FAR2: variants seen among roughly 807,000 people sequenced by gnomAD.
The protein encoded by FAR2 is epididymis secretory protein Li 81.
FAR2 carries 19 observed loss-of-function variants against 56.0 expected under a neutral mutation model. The observed-to-expected ratio is 0.34, with a 90% CI of 0.24 to 0.50. The LOEUF is 0.50. FAR2 is among the 20% of genes least tolerant of loss of function. FAR2 has a pLI of 0.98. For missense variants in FAR2, 508 were observed against 642.2 expected (o/e 0.79, Z 2.26); for synonymous variants, 219 against 218.8 (o/e 1.00, Z -0.01).
intron 9 of FAR2, 135 bp from the exon 10 acceptor site, chr12:29,321,660 A>G (rs1949553746): frequency 2.0e-6 from 2 of 1,017,318 alleles, no homozygotes; most frequent in South Asian, 1.8e-5. Flanking sequence ...AGGAGAAAAA[A>G]GAAGAAGAAT....
At chr12:29,168,743 G>T (rs1031449703) in intron 1 of FAR2, among the ~76,000 whole-genome samples, 3 of 152,206 alleles carry the variant, frequency 2.0e-5, no homozygotes, top group Non-Finnish European at 4.4e-5. Context: ...GCTCTTAAAG[G>T]TGGTGTGGAC....
intron 1 of FAR2, among the ~76,000 whole-genome samples, chr12:29,214,107 C>T (rs962453754): frequency 6.6e-6 from 1 of 152,216 alleles, no homozygotes; most frequent in Non-Finnish European, 1.5e-5. Flanking sequence ...CATCAATTTT[C>T]ATTTAATTTG....
chr12:29,308,337 GTAGA>G (rs1279120181), intron 5 of FAR2, among the ~76,000 whole-genome samples: 3 of 152,078 alleles, frequency 2.0e-5, no homozygotes, highest in Non-Finnish European at 4.4e-5. Flanking sequence ...AAGCTTTGGG[GTAGA>G]TAAATTCCAG....
At chr12:29,181,631 T>C (rs1202579102) in intron 1 of FAR2, among the ~76,000 whole-genome samples, 1 of 151,938 alleles carries the variant, frequency 6.6e-6, no homozygotes, top group East Asian at 1.9e-4. Context: ...ACCCATCAGC[T>C]CCTCTTTCCC....
intron 1 of FAR2, among the ~76,000 whole-genome samples, chr12:29,227,671 C>G (rs1209763881): frequency 6.6e-6 from 1 of 152,088 alleles, no homozygotes; most frequent in Non-Finnish European, 1.5e-5. Flanking sequence ...ATTAATCAAT[C>G]AATTTTTCAA....
intron 1 of FAR2, among the ~76,000 whole-genome samples, chr12:29,177,370 G>A (rs1030797644): frequency 2.0e-5 from 3 of 152,070 alleles, no homozygotes; most frequent in Non-Finnish European, 2.9e-5. Context: ...TTTTTAAGAG[G>A]TGCTCTTTTC....
At chr12:29,274,622 G>A (rs1436505490) in intron 2 of FAR2, among the ~76,000 whole-genome samples, 4 of 151,942 alleles carry the variant, frequency 2.6e-5, no homozygotes, top group Admixed American at 1.3e-4. Context: ...CCAGCTGGCC[G>A]GTTCCTGCCT....
chr12:29,165,058 G>A (rs1416184549), intron 1 of FAR2, among the ~76,000 whole-genome samples: 1 of 152,140 alleles, frequency 6.6e-6, no homozygotes, highest in Admixed American at 6.5e-5. Context: ...AAGCACAGAA[G>A]TTCTTACTAT....
Position 29,264,707 on chromosome 12 carries a change from G to A in FAR2, c.-38-5705G>A, listed in dbSNP as rs566580490. Among the ~76,000 whole-genome samples the A allele has an allele frequency of 9.3e-5, 14 of 150,954 alleles. No individual in the cohort carries two copies. In the South Asian group the frequency reaches 2.8e-3, roughly 30 times the overall value. On this transcript the variant is annotated intron_variant, in intron 1 of 11. Coordinates refer to ENST00000536681, the MANE Select transcript of FAR2 (RefSeq NM_001271783.2). The stretch of plus-strand genomic sequence containing the variant: ...AGGGAGAGGGAGAAAGAGAGAAAAG[G>A]CAGCTAAATTGGAAAGGAAGAAGTT...
rs775858750 is a variant in FAR2 at position 29,270,430 on chromosome 12, A to G, written c.-20A>G. 1.6e-5 allele frequency: 24 copies of G among 1,518,394 alleles called. No homozygotes were observed. The highest frequency in any genetic ancestry group is 1.7e-5 in the Non-Finnish European group (19 of 1,121,554). 94.1% of individuals were successfully genotyped at this position (1,518,394 alleles called of 1,614,324 possible). On this transcript the variant is annotated 5_prime_UTR_variant, in exon 2 of 12. Coordinates refer to ENST00000536681, the MANE Select transcript of FAR2 (RefSeq NM_001271783.2). ...TTTTCAGGAACCTCTTTCAGGAGCT[A>G]TAAAAGAAAGGGAGGAATCATGTCC... is the stretch of plus-strand genomic sequence containing the variant.
intron 2 of FAR2, among the ~76,000 whole-genome samples, chr12:29,274,785 A>G (rs1948679775): frequency 6.7e-6 from 1 of 148,910 alleles, no homozygotes; most frequent in South Asian, 2.2e-4. Context: ...CCCGCCAGAG[A>G]ACAATCCCCC....
chr12:29,303,795 G>A (rs1327940085), intron 4 of FAR2, among the ~76,000 whole-genome samples: 2 of 152,224 alleles, frequency 1.3e-5, no homozygotes, highest in African/African-American at 4.8e-5. Flanking sequence ...TGACATCTAT[G>A]TAGCTAAGTA....
intron 10 of FAR2, among the ~76,000 whole-genome samples, chr12:29,322,214 T>C (rs1325309895): frequency 1.3e-5 from 2 of 152,234 alleles, no homozygotes; most frequent in Non-Finnish European, 2.9e-5. Context: ...TTGATAGTTA[T>C]CATTTCTACA....
chr12:29,161,547 G>A (rs1215111270), intron 1 of FAR2, among the ~76,000 whole-genome samples: 2 of 152,192 alleles, frequency 1.3e-5, no homozygotes, highest in African/African-American at 2.4e-5. Context: ...GCATTCTGTT[G>A]ATGAAGACTT....
At chr12:29,151,389 A>G (rs1196627647) in intron 1 of FAR2, 1 of 145,310 alleles carries the variant, frequency 6.9e-6, no homozygotes, top group Admixed American at 6.8e-5. Flanking sequence ...TCCACCTACA[A>G]TTTCAGGAGT....
intron 2 of FAR2, among the ~76,000 whole-genome samples, chr12:29,286,248 G>C (rs546792167): frequency 9.2e-5 from 14 of 152,116 alleles, no homozygotes; most frequent in Admixed American, 3.3e-4. Flanking sequence ...AGAAATCTCT[G>C]CAGTATGCCT....
Position 29,168,918 on chromosome 12 carries a change from C to T in FAR2, c.-39+19511C>T, listed in dbSNP as rs559561619. Among the ~76,000 whole-genome samples the T allele has an allele frequency of 7.9e-5, 12 of 152,222 alleles. 1 individual carries two copies. Among genetic ancestry groups the T allele is most frequent in the African/African-American group, 2.9e-4 (12 of 41,534 alleles). ...CTGCTGATTGATCCATTTTACAGAG[C>T]GTTGATTGGTCCATTTTACAGAGTG... On this transcript the variant is annotated intron_variant, in intron 1 of 11. Transcript: ENST00000536681.
chr12:29,188,983 G>A (rs1281651445), intron 1 of FAR2, among the ~76,000 whole-genome samples: 3 of 151,914 alleles, frequency 2.0e-5, no homozygotes, highest in African/African-American at 7.3e-5. Flanking sequence ...TGCCATTACT[G>A]GAGATGTTAA....
At chr12:29,267,317 G>A (rs1271501648) in intron 1 of FAR2, among the ~76,000 whole-genome samples, 2 of 152,194 alleles carry the variant, frequency 1.3e-5, no homozygotes, top group Non-Finnish European at 2.9e-5. Context: ...TTGAGTCTAT[G>A]CTATAGGCAA....
Sources: gnomAD v4.1 joint callset for allele counts (sites outside exome capture counted in the v4.1 genomes callset) on GRCh38, gnomAD v4.1.1 for gene constraint, MANE v1.5 for transcripts, NCBI Gene and HGNC (gene_info 2026-07-23, HGNC 2026-07-21) for gene names.